BRDT: variants seen among roughly 807,000 people sequenced by gnomAD.
The protein encoded by BRDT is bromodomain testis associated.
BRDT carries 77 observed loss-of-function variants against 113.9 expected under a neutral mutation model. The observed-to-expected ratio is 0.68, with a 90% CI of 0.56 to 0.82. The LOEUF is 0.82. Among genes scored for constraint, BRDT ranks in the 40% least tolerant of loss-of-function variants. BRDT has a pLI of 0.00. For synonymous variants in BRDT, 358 were observed against 366.5 expected, an observed-to-expected ratio of 0.98 and a Z score of 0.26; for missense variants, 1,027 against 1,105.4, an observed-to-expected ratio of 0.93 and a Z score of 1.01.
intron 12 of BRDT, among the ~76,000 whole-genome samples, chr1:91,984,382 A>G (rs910186167): frequency 1.3e-5 from 2 of 152,176 alleles, no homozygotes; most frequent in South Asian, 4.1e-4. Context: ...AAAATAAGCA[A>G]GTCAAATCAT....
chr1:91,992,891 T>G (rs1393485163), intron 14 of BRDT, among the ~76,000 whole-genome samples: 1 of 151,208 alleles, frequency 6.6e-6, no homozygotes, highest in Non-Finnish European at 1.5e-5. Context: ...GCCAAAGGTG[T>G]ATTAGTGGAA....
intron 18 of BRDT, among the ~76,000 whole-genome samples, chr1:92,011,089 G>T (rs970985493): frequency 6.6e-6 from 1 of 152,108 alleles, no homozygotes; most frequent in Non-Finnish European, 1.5e-5. Context: ...ACAGCCATTG[G>T]CTTTAGCTAT....
At chr1:91,956,507 A>G (rs187931204) in intron 1 of BRDT, among the ~76,000 whole-genome samples, 1 of 152,340 alleles carries the variant, frequency 6.6e-6, no homozygotes, top group African/African-American at 2.4e-5. Flanking sequence ...ACATGTGGCT[A>G]TTAAGCACTT....
In BRDT at chr1:91,994,067, G is replaced by T; in HGVS notation, c.2116-16G>T. 6.3e-7 allele frequency: 1 copy of T among 1,579,968 alleles called. No individual in the cohort carries two copies. The highest frequency in any genetic ancestry group is 8.6e-7 in the Non-Finnish European group (1 of 1,166,436). On this transcript the variant is annotated splice_polypyrimidine_tract_variant and intron_variant, in intron 14 of 18. Transcript: ENST00000399546. The stretch of plus-strand genomic sequence containing the variant: ...ATGGTTAAAACTAAGTGATAACTTT[G>T]ATTTTGTTTTAACAGATAGGATATT...
intron 18 of BRDT, among the ~76,000 whole-genome samples, chr1:92,011,486 T>C (rs1687792403): frequency 6.6e-6 from 1 of 152,184 alleles, no homozygotes; most frequent in Admixed American, 6.6e-5. Flanking sequence ...CTTTCTTTTT[T>C]TTTTCCTGAG....
intron 13 of BRDT, among the ~76,000 whole-genome samples, chr1:91,991,739 T>C (rs993556191): frequency 1.3e-5 from 2 of 152,160 alleles, no homozygotes; most frequent in Non-Finnish European, 2.9e-5. Flanking sequence ...ACGCCTGTAA[T>C]CCCAGCACTT....
intron 15 of BRDT, among the ~76,000 whole-genome samples, chr1:91,998,146 T>C (rs1209470268): frequency 6.6e-6 from 1 of 152,182 alleles, no homozygotes. Context: ...CCCTTTCCCC[T>C]TCTCATAAAA....
At chr1:91,968,041 C>T in intron 3 of BRDT, 105 bp from the exon 4 acceptor site, 2 of 1,111,232 alleles carry the variant, frequency 1.8e-6, no homozygotes, top group Admixed American at 5.0e-5. Context: ...TGAATACCGT[C>T]TAGGAGTACT....
At position 92,006,484 on chromosome 1, in the gene BRDT, G is replaced by A. The variant is rs555275229; in HGVS notation, c.2775+1185G>A. On this transcript the variant is annotated intron_variant, in intron 18 of 18. Coordinates refer to ENST00000399546, the MANE Select transcript of BRDT (RefSeq NM_207189.4). ...GTTTGTTTGTTTGTTTGTTTTTATC[G>A]AGATGAAGTTTCGCTTTTGTTGCCC... 1.1e-4 allele frequency among the ~76,000 whole-genome samples: 17 copies of A among 151,532 alleles called. 1 individual carries two copies. In the South Asian group the frequency reaches 3.1e-3, roughly 28 times the overall value.
At chr1:92,004,220 G>C (rs1400435925) in intron 16 of BRDT, among the ~76,000 whole-genome samples, 194 bp from the exon 17 acceptor site, 1 of 152,010 alleles carries the variant, frequency 6.6e-6, no homozygotes, top group African/African-American at 2.4e-5. Context: ...GAGTTTAGAT[G>C]ATCTATTATG....
At chr1:91,963,179 C>T (rs111365742) in intron 2 of BRDT, among the ~76,000 whole-genome samples, 80 of 152,198 alleles carry the variant, frequency 5.3e-4, no homozygotes, top group African/African-American at 1.7e-3. Context: ...CAAAATTAGC[C>T]GGGCGTGGTG....
chr1:91,969,354 G>A (rs1683390933), intron 4 of BRDT, among the ~76,000 whole-genome samples: 1 of 146,266 alleles, frequency 6.8e-6, no homozygotes, highest in Admixed American at 6.9e-5. Flanking sequence ...TTTTTTTGAG[G>A]TTTTTATTGG....
At chr1:91,995,403 CTGTGTGTGTGTGTGTGTGTGTGTG>C (rs200254179) in intron 15 of BRDT, among the ~76,000 whole-genome samples, 2,758 of 146,852 alleles carry the variant, frequency 0.019, 50 homozygotes, top group African/African-American at 0.045. Context: ...CCCTACTATT[CTGTGTGTGTGTGTGTGTGTGTGTG>C]TGTGTGTGTG....
chr1:91,994,361 C>A, intron 15 of BRDT, 107 bp downstream of exon 15: 1 of 928,280 alleles, frequency 1.1e-6, no homozygotes, highest in Non-Finnish European at 1.6e-6. Flanking sequence ...TGGGAAATAC[C>A]AACAATCATA....
At chr1:91,965,823 G>A (rs1297509027) in intron 3 of BRDT, among the ~76,000 whole-genome samples, 1 of 151,646 alleles carries the variant, frequency 6.6e-6, no homozygotes, top group Non-Finnish European at 1.5e-5. Flanking sequence ...CTCCAGCCTG[G>A]TGACAGAGCA....
chr1:91,953,857 C>A (rs1378513287), intron 1 of BRDT, among the ~76,000 whole-genome samples: 1 of 152,096 alleles, frequency 6.6e-6, no homozygotes, highest in Non-Finnish European at 1.5e-5. Flanking sequence ...TGTTTTTGAA[C>A]AGTTGTAATG....
intron 4 of BRDT, among the ~76,000 whole-genome samples, chr1:91,968,798 G>A (rs1413445800): frequency 6.6e-6 from 1 of 152,146 alleles, no homozygotes; most frequent in African/African-American, 2.4e-5. Context: ...ATGTATTATA[G>A]AGGTTAATCA....
chr1:91,977,529 C>T, intron 6 of BRDT, 136 bp downstream of exon 6: 3 of 749,658 alleles, frequency 4.0e-6, no homozygotes, highest in East Asian at 5.8e-5. Context: ...GAGTGAGTCT[C>T]TGGAAAATTT....
At chr1:92,001,139 T>G (rs1238156883) in intron 15 of BRDT, among the ~76,000 whole-genome samples, 1 of 152,160 alleles carries the variant, frequency 6.6e-6, no homozygotes, top group East Asian at 1.9e-4. Flanking sequence ...CTGGCTTAGG[T>G]CTGCTCTTCC....
Sources: gnomAD v4.1 joint callset for allele counts (sites outside exome capture counted in the v4.1 genomes callset) on GRCh38, gnomAD v4.1.1 for gene constraint, MANE v1.5 for transcripts, NCBI Gene and HGNC (gene_info 2026-07-23, HGNC 2026-07-21) for gene names.